The following TTC3 variants were observed in gnomAD, a reference collection of about 807,000 sequenced individuals.
The protein encoded by TTC3 is tetratricopeptide repeat domain 3.
TTC3 carries 180 observed loss-of-function variants against 249.6 expected under a neutral mutation model. The observed-to-expected ratio is 0.72, with a 90% confidence interval of 0.64 to 0.82. The LOEUF is 0.82. TTC3 is among the 40% of genes least tolerant of loss of function. The probability of loss-of-function intolerance (pLI) is 0.00; values close to 1 mark genes in which losing one functional copy is unlikely to be tolerated. For synonymous variants in TTC3, 717 were observed against 805.0 expected (o/e 0.89, Z 1.85); for missense variants, 2,061 against 2,398.4 (o/e 0.86, Z 2.94).
intron 16 of TTC3, among the ~76,000 whole-genome samples, chr21:37,129,873 G>T (rs1054674527): frequency 1.3e-5 from 2 of 152,190 alleles, no homozygotes; most frequent in Non-Finnish European, 2.9e-5. Context: ...TTGAACTCCT[G>T]GCCTCAAGTG....
rs200902682 is a variant in TTC3 at position 37,138,717 on chromosome 21, A to G, written c.1659+3A>G. 150 of 1,598,536 alleles carry G rather than the reference A, an allele frequency of 9.4e-5. No homozygotes were observed. Among genetic ancestry groups the G allele is most frequent in the Non-Finnish European group, 9.8e-5 (115 of 1,168,330 alleles). ...TCCTTGGAATAGGACAGCCTGAGGT[A>G]AGATTTGTAACAGTGGTAATAAACA... On this transcript the variant is annotated splice_donor_region_variant and intron_variant, in intron 19 of 45. Transcript: ENST00000355666.
intron 43 of TTC3, 58 bp downstream of exon 43, chr21:37,197,754 TAAAAA>T: frequency 7.3e-7 from 1 of 1,361,874 alleles, no homozygotes; most frequent in South Asian, 1.5e-5. Context: ...TGAGAATTGT[TAAAAA>T]AAAAAAAAAG....
chr21:37,087,277 G>T (rs773160877), exon 2 of TTC3: 1 of 1,614,056 alleles, frequency 6.2e-7, no homozygotes, highest in Non-Finnish European at 8.5e-7. Context: ...TTTGCTGAGG[G>T]AGATTTCACT....
At chr21:37,087,934 C>G in intron 3 of TTC3, 59 bp downstream of exon 3, 1 of 1,319,322 alleles carries the variant, frequency 7.6e-7, no homozygotes. Flanking sequence ...GGAGGTCCAT[C>G]CATCCTGTCA....
intron 10 of TTC3, among the ~76,000 whole-genome samples, chr21:37,107,369 G>A (rs980213664): frequency 2.0e-5 from 3 of 152,136 alleles, no homozygotes; most frequent in Admixed American, 2.0e-4. Flanking sequence ...AGTTTGAACA[G>A]TTTTGAGTTT....
At chr21:37,195,706 G>A (rs369458715) in exon 42 of TTC3, 11 of 1,612,972 alleles carry the variant, frequency 6.8e-6, no homozygotes, top group African/African-American at 4.0e-5. Flanking sequence ...GAGTCTTCAG[G>A]CGACGATGGC....
intron 35 of TTC3, among the ~76,000 whole-genome samples, chr21:37,174,750 A>AGCTTTGT (rs1003374295): frequency 1.3e-5 from 2 of 152,182 alleles, no homozygotes; most frequent in Non-Finnish European, 2.9e-5. Context: ...TTGTGATGTT[A>AGCTTTGT]GACAATTTCT....
chr21:37,119,684 G>C (rs191559565), intron 11 of TTC3, among the ~76,000 whole-genome samples: 1 of 152,202 alleles, frequency 6.6e-6, no homozygotes, highest in Non-Finnish European at 1.5e-5. Flanking sequence ...CAATCACAGG[G>C]CTTACTTTAT....
intron 1 of TTC3, chr21:37,082,351 C>A: frequency 3.1e-6 from 1 of 321,232 alleles, no homozygotes; most frequent in Non-Finnish European, 4.5e-6. Context: ...GTTTTTTTTT[C>A]TGTTGTCTCT....
chr21:37,157,044 T>C (rs1314462533), intron 28 of TTC3, 138 bp downstream of exon 28: 2 of 1,364,706 alleles, frequency 1.5e-6, no homozygotes, highest in African/African-American at 2.9e-5. Flanking sequence ...GTGGGGAAGT[T>C]AGTGATTAAC....
At chr21:37,194,265 C>T (rs9974494) in intron 41 of TTC3, among the ~76,000 whole-genome samples, 80,920 of 152,042 alleles carry the variant, frequency 0.53, 22,156 homozygotes, top group African/African-American at 0.64. Flanking sequence ...AGAAAATACT[C>T]AATGGAAAAT....
chr21:37,153,225 T>C (rs1412254715), exon 27 of TTC3: 9 of 1,614,040 alleles, frequency 5.6e-6, no homozygotes, highest in Non-Finnish European at 7.6e-6. Flanking sequence ...TGAGTGAGCT[T>C]AAAGAAGTGG....
chr21:37,138,774 T>TGAGAAAATAATTTTTA, intron 19 of TTC3, 60 bp downstream of exon 19: 1 of 1,233,440 alleles, frequency 8.1e-7, no homozygotes, highest in Non-Finnish European at 1.1e-6. Flanking sequence ...CTTATAAAAA[T>TGAGAAAATAATTTTTA]TATTTTCTCA....
intron 7 of TTC3, 124 bp downstream of exon 7, chr21:37,091,537 A>G (rs1262826098): frequency 2.0e-6 from 1 of 494,700 alleles, no homozygotes; most frequent in East Asian, 5.4e-5. Context: ...ATTTTGTTAT[A>G]TATGGCTGAA....
intron 34 of TTC3, among the ~76,000 whole-genome samples, chr21:37,169,476 G>A (rs111570643): frequency 0.14 from 21,239 of 149,668 alleles, 1,810 homozygotes; most frequent in Admixed American, 0.28. Context: ...CCTGGGAGGC[G>A]GAGGTTGCAG....
exon 33 of TTC3, chr21:37,165,618 A>T: frequency 6.2e-7 from 1 of 1,614,154 alleles, no homozygotes; most frequent in East Asian, 2.2e-5. Context: ...TCTGCAGAAT[A>T]TGAGTTTTTC....
At chr21:37,194,570 CCTTT>C (rs1271384229) in intron 41 of TTC3, 1 of 151,998 alleles carries the variant, frequency 6.6e-6, no homozygotes, top group East Asian at 1.9e-4. Context: ...TATATTGCTT[CCTTT>C]AAGTGAAAAG....
intron 18 of TTC3, among the ~76,000 whole-genome samples, chr21:37,136,148 C>G (rs550253015): frequency 2.6e-5 from 4 of 152,210 alleles, no homozygotes; most frequent in Non-Finnish European, 4.4e-5. Flanking sequence ...TATCTCCACC[C>G]CCTTCCTTAA....
chr21:37,194,752 G>T (rs904652971), intron 41 of TTC3: 1 of 152,150 alleles, frequency 6.6e-6, no homozygotes, highest in African/African-American at 2.4e-5. Context: ...TTCACTGGGG[G>T]GTCTCAGAAT....
Sources: gnomAD v4.1 joint callset for allele counts (sites outside exome capture counted in the v4.1 genomes callset) on GRCh38, gnomAD v4.1.1 for gene constraint, MANE v1.5 for transcripts, NCBI Gene and HGNC (gene_info 2026-07-23, HGNC 2026-07-21) for gene names.